PWWP3B: variants seen among roughly 807,000 people sequenced by gnomAD.
PWWP3B encodes PWWP domain containing 3B.
In PWWP3B, 5 loss-of-function variants were observed where a neutral mutation model predicts 15.7. The ratio of observed to expected loss-of-function variants is 0.32; its 90% CI spans 0.17 to 0.67. The LOEUF (loss-of-function observed/expected upper bound fraction) is 0.67. PWWP3B is among the 30% of genes least tolerant of loss of function. The probability of loss-of-function intolerance (pLI) is 0.74; values close to 1 mark genes in which losing one functional copy is unlikely to be tolerated. For synonymous variants in PWWP3B, 203 were observed against 179.8 expected (o/e 1.13, Z -1.03); for missense variants, 519 against 493.1 (o/e 1.05, Z -0.50).
chrX:106,184,297 G>A (rs996230404), intron 2 of PWWP3B, among the ~76,000 whole-genome samples: 1 of 111,567 alleles, frequency 9.0e-6, no homozygotes, highest in African/African-American at 3.3e-5. Flanking sequence ...TGACCCTTGA[G>A]GGAGTTGGGT....
Position 106,168,457 on chromosome X carries a change from A to G in PWWP3B, c.-529+32A>G, listed in dbSNP as rs1284866688. The G allele has an allele frequency of 2.7e-5, 3 of 112,468 alleles. No homozygotes were observed. In the Admixed American group the frequency reaches 2.8e-4, roughly 11 times the overall value. The allele number at this position is 112,468 out of a possible 1,213,427, so 9.3% of individuals were successfully genotyped here. ...AAAGAAGAGAGTGCTGCTTAGGAAT[A>G]ACGGGAAAGGAGTGTCGTTCTGTGA... On this transcript the variant is annotated intron_variant, in intron 1 of 3. Transcript: ENST00000357175.
At position 106,199,623 on chromosome X, in the gene PWWP3B, GA is replaced by G. The variant is rs1233051832; in HGVS notation, c.-400-4353del. ...GAAAGCAAGAGAAAGGGGGAAAGTG[GA>G]AAAAAAAAGCCCAAGCTGGTTATTT... On this transcript the variant is annotated intron_variant, in intron 2 of 3. Transcript: ENST00000357175. Among the ~76,000 whole-genome samples the G allele has an allele frequency of 5.5e-4, 59 of 108,000 alleles. 1 individual carries two copies. The highest frequency in any genetic ancestry group is 7.9e-4 in the Non-Finnish European group (41 of 51,931). The allele number at this position is 108,000 out of a possible 115,157, so 93.8% of individuals were successfully genotyped here.
intron 2 of PWWP3B, among the ~76,000 whole-genome samples, chrX:106,172,230 A>G (rs1569356604): frequency 9.1e-6 from 1 of 110,122 alleles, no homozygotes; most frequent in Non-Finnish European, 1.9e-5. Context: ...TGTAGCTTGA[A>G]CACTTAGGCT....
intron 2 of PWWP3B, among the ~76,000 whole-genome samples, chrX:106,186,387 A>G (rs192024992): frequency 9.0e-6 from 1 of 111,476 alleles, no homozygotes; most frequent in Admixed American, 9.5e-5. Context: ...CCCTTTCCCA[A>G]AAATCCTGAC....
chrX:106,171,665 A>G (rs966988794), intron 2 of PWWP3B, among the ~76,000 whole-genome samples: 6 of 103,993 alleles, frequency 5.8e-5, no homozygotes, highest in Non-Finnish European at 8.4e-5. Context: ...GGTATAGCCT[A>G]CTACACACTT....
intron 2 of PWWP3B, chrX:106,177,083 C>T (rs987057602): frequency 6.2e-5 from 7 of 112,490 alleles, no homozygotes; most frequent in African/African-American, 1.9e-4. Flanking sequence ...TTTGTTTTTC[C>T]CAGAAAATCA....
At chrX:106,184,587 A>G (rs765404545) in intron 2 of PWWP3B, among the ~76,000 whole-genome samples, 67 of 111,791 alleles carry the variant, frequency 6.0e-4, no homozygotes, top group Admixed American at 1.5e-3. Flanking sequence ...TTACTTGACT[A>G]AGATACCAGA....
chrX:106,184,170 G>A (rs746453399), intron 2 of PWWP3B, among the ~76,000 whole-genome samples: 16 of 111,011 alleles, frequency 1.4e-4, no homozygotes, highest in Non-Finnish European at 2.3e-4. Flanking sequence ...ATAGAACACC[G>A]AGGTTGCCAG....
At chrX:106,203,523 T>C (rs1037875674) in intron 2 of PWWP3B, among the ~76,000 whole-genome samples, 2 of 112,010 alleles carry the variant, frequency 1.8e-5, no homozygotes, top group African/African-American at 3.2e-5. Flanking sequence ...TTTCTAAATT[T>C]TTTCCAGCCA....
intron 2 of PWWP3B, among the ~76,000 whole-genome samples, chrX:106,188,311 A>G (rs1922645076): frequency 8.9e-6 from 1 of 112,059 alleles, no homozygotes; most frequent in South Asian, 3.7e-4. Context: ...AGATCAAAAT[A>G]ATTTACATTT....
At chrX:106,188,787 CT>C (rs1922681171) in intron 2 of PWWP3B, among the ~76,000 whole-genome samples, 1 of 112,350 alleles carries the variant, frequency 8.9e-6, no homozygotes, top group Non-Finnish European at 1.9e-5. Context: ...TTACTTCTGG[CT>C]TCTTTCACTT....
intron 2 of PWWP3B, 98 bp from the exon 3 acceptor site, chrX:106,203,885 CTA>C (rs778628380): frequency 2.0e-4 from 23 of 112,341 alleles, no homozygotes; most frequent in Admixed American, 1.7e-3. Flanking sequence ...TGCCTCATTC[CTA>C]TGTTTTAGAA....
chrX:106,192,132 G>A (rs1379091898), intron 2 of PWWP3B, among the ~76,000 whole-genome samples: 4 of 111,541 alleles, frequency 3.6e-5, no homozygotes, highest in Non-Finnish European at 7.5e-5. Flanking sequence ...CCTACTTTTT[G>A]TACCTCTGTT....
chrX:106,205,832 T>C lies in PWWP3B; in HGVS notation c.400T>C (p.Tyr134His), dbSNP rs1276907535. The change falls in exon 4 of 4, where the codon TAC (tyrosine) becomes CAC (histidine). Residue 134 changes from tyrosine to histidine, a missense_variant. Physicochemically the swap from Tyr to His is moderately conservative, Grantham distance 83. Coordinates refer to ENST00000357175, the MANE Select transcript of PWWP3B (RefSeq NM_001171020.2). ...GTCCGATTCACCCCCTCATAAAAAA[T>C]ACCGGAAGGATGAAGGTGACTTACC... The part of the protein sequence containing the change: ...KQSDSPPHKK[Y>H]RKDEGDLPGC... 9 of 1,209,449 alleles carry C rather than the reference T, an allele frequency of 7.4e-6. No individual in the cohort carries two copies. Among genetic ancestry groups the C allele is most frequent in the Non-Finnish European group, 1.0e-5 (9 of 895,057 alleles).
rs1207558532 is a variant in PWWP3B, at chrX:106,205,837, G to T, written c.405G>T (p.Arg135=). 2.5e-6 allele frequency: 3 copies of T among 1,211,333 alleles called. No homozygotes were observed. The highest frequency in any genetic ancestry group is 2.2e-6 in the Non-Finnish European group (2 of 895,329). Residue 135 remains arginine, a synonymous_variant, in exon 4 of 4, where the codon CGG becomes CGT. Coordinates refer to ENST00000357175, the MANE Select transcript of PWWP3B (RefSeq NM_001171020.2). ...QSDSPPHKKY[R]KDEGDLPGCL... ...ATTCACCCCCTCATAAAAAATACCG[G>T]AAGGATGAAGGTGACTTACCAGGGT...
chrX:106,175,236 CTTTTTTTTTT>C (rs1218589426), intron 2 of PWWP3B, among the ~76,000 whole-genome samples: 3 of 73,151 alleles, frequency 4.1e-5, no homozygotes, highest in Non-Finnish European at 7.8e-5. Context: ...GGGGTTATTT[CTTTTTTTTTT>C]TTTTTTTTTT....
At chrX:106,184,848 G>C (rs1479919850) in intron 2 of PWWP3B, among the ~76,000 whole-genome samples, 1 of 111,058 alleles carries the variant, frequency 9.0e-6, no homozygotes, top group Non-Finnish European at 1.9e-5. Flanking sequence ...CAGCTTGAAG[G>C]GGACATAACC....
intron 2 of PWWP3B, among the ~76,000 whole-genome samples, chrX:106,198,981 A>G (rs1274970701): frequency 9.0e-6 from 1 of 110,847 alleles, no homozygotes; most frequent in Non-Finnish European, 1.9e-5. Flanking sequence ...TCTTTAGATT[A>G]TGTATTAATA....
intron 2 of PWWP3B, among the ~76,000 whole-genome samples, chrX:106,203,521 T>C (rs1227344791): frequency 1.1e-4 from 12 of 111,998 alleles, no homozygotes; most frequent in Admixed American, 7.6e-4. Context: ...ATTTTCTAAA[T>C]TTTTTCCAGC....
Sources: allele counts gnomAD v4.1 joint callset (sites outside exome capture counted in the v4.1 genomes callset), GRCh38; gene constraint gnomAD v4.1.1; transcripts MANE v1.5; gene names NCBI Gene and HGNC (gene_info 2026-07-23, HGNC 2026-07-21).